PTN: variants seen among roughly 807,000 people sequenced by gnomAD.
PTN encodes the protein pleiotrophin, also known as heparin affin regulatory protein.
In PTN, 18 loss-of-function variants were observed where a neutral mutation model predicts 24.1. The ratio of observed to expected loss-of-function variants is 0.75; its 90% CI spans 0.52 to 1.11. PTN has a LOEUF of 1.11. Among genes scored for constraint, PTN ranks in the 50% least tolerant of loss-of-function variants. The probability of loss-of-function intolerance (pLI) is 0.00; values close to 1 mark genes in which losing one functional copy is unlikely to be tolerated. For synonymous variants in PTN, 78 were observed against 68.6 expected (o/e 1.14, Z -0.67); for missense variants, 163 against 198.8 (o/e 0.82, Z 1.08).
intron 1 of PTN, among the ~76,000 whole-genome samples, chr7:137,312,461 G>A (rs1809997580): frequency 1.3e-5 from 2 of 152,308 alleles, no homozygotes; most frequent in South Asian, 4.1e-4. Flanking sequence ...TGCCTGGGTG[G>A]TTTATTCTGC....
intron 1 of PTN, among the ~76,000 whole-genome samples, chr7:137,330,325 G>C (rs1378876931): frequency 6.6e-6 from 1 of 151,936 alleles, no homozygotes; most frequent in Non-Finnish European, 1.5e-5. Context: ...AAGAGAAGGA[G>C]GAAGAGGAGG....
chr7:137,268,009 A>G (rs1458156066), intron 1 of PTN, among the ~76,000 whole-genome samples: 1 of 152,156 alleles, frequency 6.6e-6, no homozygotes, highest in Non-Finnish European at 1.5e-5. Context: ...GAGCCCATAA[A>G]GGCACAAAGT....
At chr7:137,250,430 T>C (rs1211783724) in intron 4 of PTN, among the ~76,000 whole-genome samples, 1 of 152,198 alleles carries the variant, frequency 6.6e-6, no homozygotes, top group East Asian at 1.9e-4. Flanking sequence ...TGCACTGGAT[T>C]AGGGCCTACC....
At chr7:137,329,852 A>G (rs982075288) in intron 1 of PTN, among the ~76,000 whole-genome samples, 1 of 152,212 alleles carries the variant, frequency 6.6e-6, no homozygotes, top group Non-Finnish European at 1.5e-5. Flanking sequence ...CCTAGACACA[A>G]TCGTAGGAAC....
intron 1 of PTN, among the ~76,000 whole-genome samples, chr7:137,259,691 CAGAG>C (rs952537685): frequency 6.6e-6 from 1 of 150,490 alleles, no homozygotes; most frequent in African/African-American, 2.4e-5. Context: ...CAAAAAGGGA[CAGAG>C]AGAGAGAGAC....
At chr7:137,269,095 GACCT>G (rs995799620) in intron 1 of PTN, among the ~76,000 whole-genome samples, 1 of 152,028 alleles carries the variant, frequency 6.6e-6, no homozygotes, top group African/African-American at 2.4e-5. Context: ...TATGAGATTT[GACCT>G]CAATACATTT....
chr7:137,292,770 G>A (rs1809661003), intron 1 of PTN, among the ~76,000 whole-genome samples: 1 of 152,136 alleles, frequency 6.6e-6, no homozygotes, highest in African/African-American at 2.4e-5. Flanking sequence ...TTTCTCTCCT[G>A]AATATTTTCA....
At chr7:137,229,442 T>G (rs987182826) in intron 4 of PTN, among the ~76,000 whole-genome samples, 1 of 151,720 alleles carries the variant, frequency 6.6e-6, no homozygotes, top group Non-Finnish European at 1.5e-5. Flanking sequence ...ACTAGAAATA[T>G]TGTATATTTC....
chr7:137,235,728 C>T (rs1184945060), intron 4 of PTN, among the ~76,000 whole-genome samples: 1 of 152,114 alleles, frequency 6.6e-6, no homozygotes, highest in Non-Finnish European at 1.5e-5. Context: ...TGATACTTTG[C>T]TTCATCCACA....
At chr7:137,300,740 C>T (rs1334235848) in intron 1 of PTN, among the ~76,000 whole-genome samples, 2 of 151,936 alleles carry the variant, frequency 1.3e-5, no homozygotes, top group Admixed American at 6.6e-5. Flanking sequence ...GGCATATCTT[C>T]GTGTGTCTCA....
rs544241611 is a variant in PTN, at chr7:137,253,587, C to T, written c.166G>A (p.Val56Met). 1.2e-6 allele frequency: 2 copies of T among 1,602,120 alleles called. No individual in the cohort carries two copies. Among genetic ancestry groups the T allele is most frequent in the Admixed American group, 1.7e-5 (1 of 58,834 alleles). ...AGCCCACAGTCTCCACTGGTGGGCA[C>T]ACACACACTCCACTGCCATTCTCCA... Reference protein sequence around the residue: ...DCGEWQWSVCVPTSGDCGLGT... With the variant: ...DCGEWQWSVCMPTSGDCGLGT... Residue 56 changes from valine (V) to methionine (M), a missense_variant, in exon 3 of 5, where the codon GTG becomes ATG. Val to Met is a conservative substitution (Grantham distance 21). Transcript: ENST00000348225.
At chr7:137,249,821 G>C (rs1808791587) in intron 4 of PTN, among the ~76,000 whole-genome samples, 1 of 152,104 alleles carries the variant, frequency 6.6e-6, no homozygotes, top group East Asian at 1.9e-4. Flanking sequence ...CCATGATCTG[G>C]AAAGGGCAGC....
At chr7:137,339,697 T>G (rs1442312580) in intron 1 of PTN, among the ~76,000 whole-genome samples, 1 of 151,968 alleles carries the variant, frequency 6.6e-6, no homozygotes, top group South Asian at 2.1e-4. Flanking sequence ...TCCTGGTACA[T>G]CCGTACATAG....
intron 1 of PTN, among the ~76,000 whole-genome samples, chr7:137,336,297 C>T (rs537478977): frequency 5.1e-4 from 77 of 152,224 alleles, no homozygotes; most frequent in Non-Finnish European, 6.3e-4. Flanking sequence ...GCAGCCCATA[C>T]CAAACAACAG....
At chr7:137,239,368 TTTC>T (rs1158354124) in intron 4 of PTN, among the ~76,000 whole-genome samples, 1 of 142,300 alleles carries the variant, frequency 7.0e-6, no homozygotes, top group Non-Finnish European at 1.5e-5. Flanking sequence ...AAGATGTAAT[TTTC>T]TTTTTTATTT....
Position 137,253,561 on chromosome 7 carries a change from C to T in PTN, c.192G>A (p.Leu64=), listed in dbSNP as rs751076532. 3 of 1,612,300 alleles carry T rather than the reference C, an allele frequency of 1.9e-6. No homozygotes were observed. The highest frequency in any genetic ancestry group is 1.7e-6 in the Non-Finnish European group (2 of 1,179,166). The change falls in exon 3 of 5, where the codon CTG becomes CTA. Residue 64 remains leucine, a synonymous_variant. Transcript: ENST00000348225. ...VCVPTSGDCG[L]GTREGTRTGA... The stretch of plus-strand genomic sequence containing the variant: ...CAGTCCGAGTGCCCTCCCGTGTGCC[C>T]AGCCCACAGTCTCCACTGGTGGGCA...
chr7:137,271,223 TAAA>T (rs2128874397), intron 1 of PTN, among the ~76,000 whole-genome samples: 1 of 152,314 alleles, frequency 6.6e-6, no homozygotes, highest in South Asian at 2.1e-4. Flanking sequence ...ATTTCAGAAT[TAAA>T]AACAAACAAA....
intron 1 of PTN, among the ~76,000 whole-genome samples, chr7:137,299,763 C>A (rs192746526): frequency 4.1e-4 from 62 of 152,056 alleles, no homozygotes; most frequent in Non-Finnish European, 7.2e-4. Flanking sequence ...ATTGTACACT[C>A]CCGGTTTTTG....
chr7:137,333,182 G>C (rs978396437), intron 1 of PTN, among the ~76,000 whole-genome samples: 2 of 152,110 alleles, frequency 1.3e-5, no homozygotes, highest in African/African-American at 4.8e-5. Flanking sequence ...TGTCTTTCTT[G>C]CTTCCTCTCT....
Sources: gnomAD v4.1 joint callset for allele counts (sites outside exome capture counted in the v4.1 genomes callset) on GRCh38, gnomAD v4.1.1 for gene constraint, MANE v1.5 for transcripts, NCBI Gene and HGNC (gene_info 2026-07-23, HGNC 2026-07-21) for gene names.